Variants in EPB41L4A observed in about 807,000 individuals in gnomAD.
EPB41L4A encodes the protein band 4.1-like protein 4A.
EPB41L4A carries 100 observed loss-of-function variants against 108.6 expected under a neutral mutation model. The observed-to-expected ratio is 0.92, with a 90% confidence interval of 0.78 to 1.09. The LOEUF (loss-of-function observed/expected upper bound fraction) is 1.09. EPB41L4A is among the 50% of genes least tolerant of loss of function. EPB41L4A has a pLI of 0.00. For synonymous variants in EPB41L4A, 319 were observed against 289.0 expected (o/e 1.10, Z -1.05); for missense variants, 1,030 against 842.7 (o/e 1.22, Z -2.75).
chr5:112,147,799 C>T (rs915648216), intron 12 of EPB41L4A, among the ~76,000 whole-genome samples: 14 of 151,900 alleles, frequency 9.2e-5, no homozygotes, highest in Non-Finnish European at 1.5e-4. Flanking sequence ...AGGCCTAGCG[C>T]GGTGGCTCAC....
rs538000853 is a variant in EPB41L4A at position 112,413,438 on chromosome 5, C to T, written c.99+5503G>A. On this transcript the variant is annotated intron_variant, in intron 1 of 22. Coordinates refer to ENST00000261486, the MANE Select transcript of EPB41L4A (RefSeq NM_022140.5). ...TCCATTATCTAGAAGATTTTCAATA[C>T]AGCCTATTCCAGCTGTAACACTCCA... Among the ~76,000 whole-genome samples, 11 of 152,278 alleles carry T rather than the reference C, an allele frequency of 7.2e-5. No homozygotes were observed. In the South Asian group the frequency reaches 2.1e-3, roughly 29 times the overall value.
intron 1 of EPB41L4A, among the ~76,000 whole-genome samples, chr5:112,353,857 T>G (rs1434389759): frequency 6.6e-6 from 1 of 152,024 alleles, no homozygotes; most frequent in Non-Finnish European, 1.5e-5. Flanking sequence ...GACAAGGCAA[T>G]CCCGAGGCCC....
chr5:112,350,662 T>C (rs1341102778), intron 1 of EPB41L4A, among the ~76,000 whole-genome samples: 2 of 152,194 alleles, frequency 1.3e-5, no homozygotes, highest in African/African-American at 4.8e-5. Context: ...GCCTCCAGTA[T>C]CTAACATTCT....
chr5:112,151,570 G>C (rs1272633280), intron 12 of EPB41L4A, among the ~76,000 whole-genome samples: 1 of 151,804 alleles, frequency 6.6e-6, no homozygotes, highest in African/African-American at 2.4e-5. Context: ...ATCACACCCA[G>C]ATAATTTTTG....
At chr5:112,352,243 T>C (rs1758090591) in intron 1 of EPB41L4A, among the ~76,000 whole-genome samples, 3 of 152,232 alleles carry the variant, frequency 2.0e-5, no homozygotes, top group African/African-American at 7.2e-5. Context: ...TCTACTTTTT[T>C]GATGCGGGTG....
intron 2 of EPB41L4A, among the ~76,000 whole-genome samples, chr5:112,282,348 G>A (rs1007884765): frequency 6.6e-6 from 1 of 152,162 alleles, no homozygotes; most frequent in African/African-American, 2.4e-5. Context: ...AAACAAAAAG[G>A]TTTTACTATC....
At chr5:112,274,067 T>C (rs1328853877) in intron 4 of EPB41L4A, among the ~76,000 whole-genome samples, 5 of 151,968 alleles carry the variant, frequency 3.3e-5, no homozygotes, top group African/African-American at 1.2e-4. Context: ...GGCAGGAGGA[T>C]TGCTAGAAGC....
At chr5:112,281,648 T>C (rs1752975667) in intron 2 of EPB41L4A, among the ~76,000 whole-genome samples, 1 of 152,252 alleles carries the variant, frequency 6.6e-6, no homozygotes, top group Admixed American at 6.5e-5. Context: ...TGAGCCACGT[T>C]CCATCCAGCA....
chr5:112,195,594 C>T, intron 16 of EPB41L4A, 67 bp downstream of exon 16: 2 of 1,367,928 alleles, frequency 1.5e-6, no homozygotes, highest in Non-Finnish European at 2.1e-6. Context: ...CTTTCCTTAA[C>T]TCTGAGCATT....
intron 1 of EPB41L4A, among the ~76,000 whole-genome samples, chr5:112,374,028 T>A (rs1373524634): frequency 6.6e-6 from 1 of 152,232 alleles, no homozygotes; most frequent in Non-Finnish European, 1.5e-5. Context: ...TCTGTCAGAA[T>A]GTAACCCTGC....
chr5:112,384,236 G>T (rs1760353543), intron 1 of EPB41L4A, among the ~76,000 whole-genome samples: 1 of 152,078 alleles, frequency 6.6e-6, no homozygotes, highest in South Asian at 2.1e-4. Flanking sequence ...ACCTTCAGTG[G>T]GTAGACTGAT....
At chr5:112,253,710 A>G (rs978694862) in intron 9 of EPB41L4A, among the ~76,000 whole-genome samples, 12 of 152,228 alleles carry the variant, frequency 7.9e-5, no homozygotes, top group Admixed American at 5.9e-4. Context: ...GTGTGTATGG[A>G]GAGAAAGAAG....
intron 9 of EPB41L4A, among the ~76,000 whole-genome samples, chr5:112,253,017 G>A (rs768246126): frequency 5.9e-5 from 9 of 152,278 alleles, no homozygotes; most frequent in South Asian, 2.1e-4. Flanking sequence ...AAAAATCAGC[G>A]TTTTGCAACC....
intron 2 of EPB41L4A, among the ~76,000 whole-genome samples, chr5:112,294,384 A>G (rs1293761237): frequency 6.6e-6 from 1 of 152,248 alleles, no homozygotes; most frequent in East Asian, 1.9e-4. Flanking sequence ...GTAACATTAC[A>G]GATCACTTGT....
chr5:112,306,263 T>C lies in EPB41L4A; in HGVS notation c.204+1123A>G, dbSNP rs144801066. 3.7e-4 allele frequency among the ~76,000 whole-genome samples: 57 copies of C among 152,312 alleles called. No homozygotes were observed. The East Asian group carries it at 0.01, about 28-fold the overall frequency. ...TTTACAGTACTGCTATATTTATTCA[T>C]GGTCTGTACAAGATAGAATTCAGTG... On this transcript the variant is annotated intron_variant, in intron 2 of 22. Coordinates refer to ENST00000261486, the MANE Select transcript of EPB41L4A (RefSeq NM_022140.5).
intron 3 of EPB41L4A, among the ~76,000 whole-genome samples, chr5:112,277,531 C>G (rs1182618950): frequency 2.0e-5 from 3 of 152,028 alleles, no homozygotes; most frequent in Non-Finnish European, 4.4e-5. Context: ...ACATTTGATT[C>G]TCAACAACAA....
At chr5:112,161,575 T>TA, downstream of EPB41L4A, 1 of 519,242 alleles carries the variant, frequency 1.9e-6, no homozygotes, top group South Asian at 1.4e-5. Context: ...TTCCTGCCCT[T>TA]AAATTTGATA....
chr5:112,171,049 ATAAC>A, intron 18 of EPB41L4A, 57 bp from the exon 19 acceptor site: 1 of 1,439,414 alleles, frequency 6.9e-7, no homozygotes, highest in Admixed American at 1.7e-5. Context: ...TCACAACCTA[ATAAC>A]TAACTTTAAT....
intron 2 of EPB41L4A, among the ~76,000 whole-genome samples, chr5:112,292,634 AAATAT>A (rs1399791564): frequency 1.3e-5 from 2 of 152,174 alleles, no homozygotes; most frequent in Admixed American, 6.5e-5. Flanking sequence ...CAATTTTATA[AAATAT>A]AAGTAGAATA....
Sources: gnomAD v4.1 joint callset for allele counts (sites outside exome capture counted in the v4.1 genomes callset) on GRCh38, gnomAD v4.1.1 for gene constraint, MANE v1.5 for transcripts, NCBI Gene and HGNC (gene_info 2026-07-23, HGNC 2026-07-21) for gene names.